The following TNIP3 variants were observed in gnomAD, a reference collection of about 807,000 sequenced individuals.
The protein encoded by TNIP3 is TNFAIP3 interacting protein 3, also known as TNFAIP3-interacting protein 3.
In TNIP3, 34 loss-of-function variants were observed where a neutral mutation model predicts 54.1. The observed-to-expected ratio is 0.63, with a 90% confidence interval of 0.48 to 0.84. The LOEUF is 0.84. Among genes scored for constraint, TNIP3 ranks in the 40% least tolerant of loss-of-function variants. The pLI, the probability that TNIP3 is intolerant of heterozygous loss-of-function variation, is 0.00. For missense variants in TNIP3, 366 were observed against 387.6 expected (o/e 0.94, Z 0.47); for synonymous variants, 134 against 136.8 (o/e 0.98, Z 0.14).
chr4:121,174,982 C>T (rs1473514187), intron 3 of TNIP3, among the ~76,000 whole-genome samples: 1 of 152,152 alleles, frequency 6.6e-6, no homozygotes, highest in African/African-American at 2.4e-5. Flanking sequence ...ATTCCAAAAC[C>T]CAGCTTGGGT....
rs1030783405 is a variant in TNIP3, at chr4:121,176,365, C to T, written c.189+6311G>A. 1.3e-5 allele frequency among the ~76,000 whole-genome samples: 2 copies of T among 150,168 alleles called. 1 individual carries two copies. The highest frequency in any genetic ancestry group is 3.0e-5 in the Non-Finnish European group (2 of 67,390). ...AACAGATCCTCACACAACAATGCAACTTTTTTTTTTCTAGCAGAAAAAAAT... is the reference window on the plus strand; with the variant it reads ...AACAGATCCTCACACAACAATGCAATTTTTTTTTTTCTAGCAGAAAAAAAT... On this transcript the variant is annotated intron_variant, in intron 3 of 12. Transcript: ENST00000507879.
upstream of TNIP3, among the ~76,000 whole-genome samples, chr4:121,168,393 G>A (rs1440805780): frequency 6.6e-6 from 1 of 151,868 alleles, no homozygotes; most frequent in African/African-American, 2.4e-5. Flanking sequence ...TAGAGACAGG[G>A]TTTCACCATA....
intron 1 of TNIP3, among the ~76,000 whole-genome samples, chr4:121,226,333 G>C (rs140725714): frequency 1.5e-3 from 236 of 152,258 alleles, no homozygotes; most frequent in African/African-American, 5.6e-3. Context: ...TTCTCTTCTA[G>C]ACTTTAAAAA....
upstream of TNIP3, among the ~76,000 whole-genome samples, chr4:121,165,234 C>T (rs963989544): frequency 2.6e-5 from 4 of 151,168 alleles, no homozygotes; most frequent in African/African-American, 9.7e-5. Flanking sequence ...CACATTTGGC[C>T]CTCCCATTTC....
chr4:121,217,553 T>A (rs1726851952), upstream of TNIP3, among the ~76,000 whole-genome samples: 1 of 152,154 alleles, frequency 6.6e-6, no homozygotes, highest in Non-Finnish European at 1.5e-5. Flanking sequence ...AATGCCTTTC[T>A]GGATGACTGG....
chr4:121,195,213 A>T (rs898767303), intron 2 of TNIP3, among the ~76,000 whole-genome samples: 27 of 152,296 alleles, frequency 1.8e-4, no homozygotes, highest in African/African-American at 6.5e-4. Context: ...AATATTTTTT[A>T]AAAACGTCTT....
At chr4:121,159,602 G>C (rs567076479) in intron 2 of TNIP3, among the ~76,000 whole-genome samples, 1 of 152,182 alleles carries the variant, frequency 6.6e-6, no homozygotes, top group Non-Finnish European at 1.5e-5. Context: ...TGTTTTAAAA[G>C]ATTAACACAT....
intron 2 of TNIP3, among the ~76,000 whole-genome samples, chr4:121,201,200 T>C (rs2148839886): frequency 6.6e-6 from 1 of 152,234 alleles, no homozygotes; most frequent in African/African-American, 2.4e-5. Context: ...AATCAAATGT[T>C]CCATGAAAGG....
chr4:121,188,903 T>C (rs1205261455), intron 2 of TNIP3, among the ~76,000 whole-genome samples: 4 of 152,190 alleles, frequency 2.6e-5, no homozygotes, highest in Non-Finnish European at 4.4e-5. Context: ...ATCAGTACTT[T>C]AAGACCATTG....
intron 3 of TNIP3, among the ~76,000 whole-genome samples, chr4:121,179,734 A>G (rs942530761): frequency 4.6e-5 from 7 of 152,048 alleles, no homozygotes; most frequent in African/African-American, 1.4e-4. Context: ...GGTGGCCCTG[A>G]AGGAATCCAG....
chr4:121,221,606 A>G (rs912579220), upstream of TNIP3, among the ~76,000 whole-genome samples: 4 of 152,196 alleles, frequency 2.6e-5, no homozygotes, highest in African/African-American at 9.6e-5. Context: ...AGGACCTTTG[A>G]TTACAGTGTG....
chr4:121,174,955 G>T lies in TNIP3; in HGVS notation c.189+7721C>A, dbSNP rs186055914. Among the ~76,000 whole-genome samples, 227 of 152,276 alleles carry T rather than the reference G, an allele frequency of 1.5e-3. 1 individual carries two copies. Among genetic ancestry groups the T allele is most frequent in the Non-Finnish European group, 2.6e-3 (179 of 68,020 alleles). ...CAAGAAGGCTTACTTGAGAAAGAAG[G>T]CTTATTGATGCATTAGATTCCAAAA... On this transcript the variant is annotated intron_variant, in intron 3 of 12. Coordinates refer to the TNIP3 transcript ENST00000507879.
chr4:121,209,076 G>A (rs1209469125), intron 2 of TNIP3, among the ~76,000 whole-genome samples: 1 of 152,222 alleles, frequency 6.6e-6, no homozygotes, highest in Non-Finnish European at 1.5e-5. Flanking sequence ...TCTTGAGCAA[G>A]GAGATTTGGA....
intron 3 of TNIP3, among the ~76,000 whole-genome samples, chr4:121,171,697 G>A (rs1723953184): frequency 6.6e-6 from 1 of 152,094 alleles, no homozygotes; most frequent in Non-Finnish European, 1.5e-5. Context: ...CAGTTCTCAT[G>A]AGGAAATGGA....
upstream of TNIP3, among the ~76,000 whole-genome samples, chr4:121,217,719 T>G (rs1726859317): frequency 6.6e-6 from 1 of 152,208 alleles, no homozygotes. Context: ...GTGACTGCAA[T>G]AAGTGTCCAT....
At chr4:121,147,002 A>G (rs1442846872) in intron 7 of TNIP3, 47 bp downstream of exon 7, 19 of 1,552,746 alleles carry the variant, frequency 1.2e-5, no homozygotes, top group Non-Finnish European at 1.6e-5. Context: ...TTAAATGAAA[A>G]AAATATACAT....
At chr4:121,190,550 C>T (rs1725252740) in intron 2 of TNIP3, among the ~76,000 whole-genome samples, 1 of 152,052 alleles carries the variant, frequency 6.6e-6, no homozygotes, top group Admixed American at 6.5e-5. Context: ...AAATCCTATT[C>T]TGGGAAAAGG....
At chr4:121,159,429 T>C (rs1016667448) in intron 2 of TNIP3, among the ~76,000 whole-genome samples, 3 of 152,248 alleles carry the variant, frequency 2.0e-5, no homozygotes, top group African/African-American at 7.2e-5. Context: ...TGATTGTCTG[T>C]AAGATTTCTT....
intron 2 of TNIP3, among the ~76,000 whole-genome samples, chr4:121,211,210 C>G (rs1275676836): frequency 6.6e-6 from 1 of 152,176 alleles, no homozygotes. Flanking sequence ...TAATTATGAT[C>G]CAATTTAACT....
Sources: gnomAD v4.1 joint callset for allele counts (sites outside exome capture counted in the v4.1 genomes callset) on GRCh38, gnomAD v4.1.1 for gene constraint, MANE v1.5 for transcripts, NCBI Gene and HGNC (gene_info 2026-07-23, HGNC 2026-07-21) for gene names.